ITIH5: variants seen among roughly 807,000 people sequenced by gnomAD.
The protein encoded by ITIH5 is inter-alpha-trypsin inhibitor heavy chain 5.
ITIH5 carries 65 observed loss-of-function variants against 77.5 expected under a neutral mutation model. The observed-to-expected ratio is 0.84, with a 90% confidence interval of 0.69 to 1.03. ITIH5 has a LOEUF of 1.03. Among genes scored for constraint, ITIH5 ranks in the 50% least tolerant of loss-of-function variants. ITIH5 has a pLI of 0.00. For synonymous variants in ITIH5, 525 were observed against 494.3 expected, an observed-to-expected ratio of 1.06 and a Z score of -0.82; for missense variants, 1,208 against 1,213.1, an observed-to-expected ratio of 1.00 and a Z score of 0.06.
In ITIH5 at chr10:7,561,584, G is replaced by C. The variant is rs1201879903; in HGVS notation, c.*1499C>G. The C allele has an allele frequency of 1.3e-5, 2 of 152,324 alleles. No individual in the cohort carries two copies. Among genetic ancestry groups the C allele is most frequent in the East Asian group, 3.8e-4 (2 of 5,198 alleles). The allele number at this position is 152,324 out of a possible 1,614,324, so 9.4% of individuals were successfully genotyped here. The stretch of plus-strand genomic sequence containing the variant: ...TGGTGTGGTGGGTTCACGAAGCAGA[G>C]AGAGACGAGCCCAGATAGTCCCCCA... On this transcript the variant is annotated 3_prime_UTR_variant, in exon 14 of 14. Transcript: ENST00000397146.
chr10:7,602,049 T>C (rs2131008261), intron 7 of ITIH5, among the ~76,000 whole-genome samples: 1 of 152,242 alleles, frequency 6.6e-6, no homozygotes, highest in South Asian at 2.1e-4. Flanking sequence ...AGACAGGGTT[T>C]CACCATGTTG....
At chr10:7,626,850 AAGTT>A (rs1833587161) in intron 5 of ITIH5, among the ~76,000 whole-genome samples, 1 of 152,190 alleles carries the variant, frequency 6.6e-6, no homozygotes, top group Non-Finnish European at 1.5e-5. Flanking sequence ...TCTGGAACCA[AAGTT>A]AGTTATTACT....
intron 1 of ITIH5, among the ~76,000 whole-genome samples, chr10:7,656,890 C>T (rs1834193738): frequency 6.7e-6 from 1 of 150,022 alleles, no homozygotes; most frequent in Non-Finnish European, 1.5e-5. Context: ...ATTACAGGTG[C>T]CTGCCACTAC....
intron 2 of ITIH5, among the ~76,000 whole-genome samples, chr10:7,643,218 C>A (rs1404781351): frequency 1.3e-5 from 2 of 152,164 alleles, no homozygotes; most frequent in Non-Finnish European, 2.9e-5. Context: ...CCCTGCAGAA[C>A]CTGGGTCTTG....
chr10:7,656,877 G>A (rs1343478738), intron 1 of ITIH5, among the ~76,000 whole-genome samples: 1 of 150,740 alleles, frequency 6.6e-6, no homozygotes, highest in Non-Finnish European at 1.5e-5. Context: ...TGGAGTAGCT[G>A]GGATTACAGG....
chr10:7,643,841 A>C (rs1332556315), intron 2 of ITIH5, among the ~76,000 whole-genome samples: 1 of 152,244 alleles, frequency 6.6e-6, no homozygotes, highest in Non-Finnish European at 1.5e-5. Context: ...TATTCTATTT[A>C]AACAAATACG....
intron 4 of ITIH5, among the ~76,000 whole-genome samples, chr10:7,639,396 C>T (rs1475124253): frequency 6.6e-6 from 1 of 152,190 alleles, no homozygotes; most frequent in Non-Finnish European, 1.5e-5. Flanking sequence ...AATTTTGTGC[C>T]TTTGAAAATC....
intron 2 of ITIH5, among the ~76,000 whole-genome samples, chr10:7,650,440 G>A (rs1290801913): frequency 6.6e-6 from 1 of 152,106 alleles, no homozygotes; most frequent in Non-Finnish European, 1.5e-5. Context: ...TCCTTTCTGA[G>A]AAAAACAATA....
At chr10:7,600,697 A>G (rs898586423) in intron 7 of ITIH5, 1 of 406,432 alleles carries the variant, frequency 2.5e-6, no homozygotes, top group Admixed American at 2.8e-5. Context: ...CCTAAATTCA[A>G]AGGTTGAAAT....
At chr10:7,590,616 G>A (rs542365578) in intron 7 of ITIH5, among the ~76,000 whole-genome samples, 15 of 152,262 alleles carry the variant, frequency 9.9e-5, no homozygotes, top group African/African-American at 3.1e-4. Flanking sequence ...TGTTTGCCAC[G>A]TCATTTCAAT....
In ITIH5 at chr10:7,613,241, G is replaced by A. The variant is rs113150871; in HGVS notation, c.939+2741C>T. Among the ~76,000 whole-genome samples the A allele has an allele frequency of 1.6e-4, 22 of 136,668 alleles. No individual in the cohort carries two copies. The East Asian group carries it at 2.2e-3, about 14-fold the overall frequency. 89.7% of individuals were successfully genotyped at this position (136,668 alleles called of 152,430 possible). On this transcript the variant is annotated intron_variant, in intron 7 of 13. Coordinates refer to ENST00000397146, the MANE Select transcript of ITIH5 (RefSeq NM_030569.7). Reference sequence around the variant, plus strand: ...AGCCCAGGTGACAGAGTGAGACTTCGTCTCAAAAAAAAAAAAAAAAAAAAA... The same window carrying A: ...AGCCCAGGTGACAGAGTGAGACTTCATCTCAAAAAAAAAAAAAAAAAAAAA...
chr10:7,609,640 A>G (rs533323081), intron 7 of ITIH5: 1 of 362,502 alleles, frequency 2.8e-6, no homozygotes, highest in South Asian at 2.1e-5. Flanking sequence ...GATAAGAAAC[A>G]TGCTTGTTCT....
chr10:7,579,955 A>G lies in ITIH5; in HGVS notation c.1218T>C (p.Asp406=), dbSNP rs1021947448. 2 of 1,614,060 alleles carry G rather than the reference A, an allele frequency of 1.2e-6. No individual in the cohort carries two copies. The highest frequency in any genetic ancestry group is 1.7e-6 in the Non-Finnish European group (2 of 1,179,982). The change falls in exon 9 of 14, where the codon GAT becomes GAC. Residue 406 remains aspartate (D), a synonymous_variant. Transcript: ENST00000397146. ...RSVSLIVFLT[D]GKPTVGETHT... ...GCGTCTCCCCGACCGTGGGCTTCCC[A>G]TCCGTCAGGAAGACGATGAGGGACA...
intron 7 of ITIH5, among the ~76,000 whole-genome samples, chr10:7,596,923 T>C (rs1832910336): frequency 6.6e-6 from 1 of 151,308 alleles, no homozygotes; most frequent in African/African-American, 2.4e-5. Context: ...GGTGCATGCC[T>C]GTAATCCCAG....
chr10:7,567,030 G>C (rs941896034), intron 12 of ITIH5, among the ~76,000 whole-genome samples: 1 of 151,880 alleles, frequency 6.6e-6, no homozygotes, highest in African/African-American at 2.4e-5. Context: ...CTTACACACA[G>C]AGGTCACTCA....
chr10:7,605,997 G>A (rs752318804), intron 7 of ITIH5, among the ~76,000 whole-genome samples: 9 of 152,142 alleles, frequency 5.9e-5, no homozygotes, highest in East Asian at 1.9e-4. Context: ...AGGTGATGCC[G>A]GAGCACCCCA....
Position 7,588,708 on chromosome 10 carries a change from A to T in ITIH5, c.940-2639T>A, listed in dbSNP as rs145430198. 7.4e-3 allele frequency among the ~76,000 whole-genome samples: 1,129 copies of T among 152,316 alleles called. 21 individuals are homozygous for T. Among genetic ancestry groups the T allele is most frequent in the African/African-American group, 0.026 (1,069 of 41,562 alleles). ...CAATGGAGTTGATGGTATCATTAGA[A>T]GGATGATGATGACGACGCTGACGAT... is the stretch of plus-strand genomic sequence containing the variant. On this transcript the variant is annotated intron_variant, in intron 7 of 13. Coordinates refer to ENST00000397146, the MANE Select transcript of ITIH5 (RefSeq NM_030569.7).
At chr10:7,641,089 G>A (rs1833878372) in intron 3 of ITIH5, among the ~76,000 whole-genome samples, 1 of 152,202 alleles carries the variant, frequency 6.6e-6, no homozygotes, top group African/African-American at 2.4e-5. Context: ...TTCTCCAGGA[G>A]AAAAGTCACA....
rs187104459 is a variant in ITIH5, at chr10:7,610,835, A to G, written c.939+5147T>C. On this transcript the variant is annotated intron_variant, in intron 7 of 13. Transcript: ENST00000397146. ...GGCTGGTCTAGGGTGGCTCTCCTGG[A>G]AAGAGGCCATGCTGAAGCTTCGAAG... 1.6e-3 allele frequency among the ~76,000 whole-genome samples: 247 copies of G among 152,352 alleles called. 1 individual carries two copies. Among genetic ancestry groups the G allele is most frequent in the African/African-American group, 5.7e-3 (235 of 41,580 alleles).
Sources: allele counts gnomAD v4.1 joint callset (sites outside exome capture counted in the v4.1 genomes callset), GRCh38; gene constraint gnomAD v4.1.1; transcripts MANE v1.5; gene names NCBI Gene and HGNC (gene_info 2026-07-23, HGNC 2026-07-21).